TOR3A: variants seen among roughly 807,000 people sequenced by gnomAD.
TOR3A encodes the protein torsin-3A.
A neutral mutation model predicts 42.1 loss-of-function variants in TOR3A; 44 were observed. The ratio of observed to expected loss-of-function variants is 1.04; its 90% CI spans 0.82 to 1.34. The LOEUF is 1.34. Among genes scored for constraint, TOR3A ranks in the 40% most tolerant of loss-of-function variants. The pLI is 0.00. For missense variants in TOR3A, 521 were observed against 507.6 expected, an observed-to-expected ratio of 1.03 and a Z score of -0.25; for synonymous variants, 227 against 213.2, an observed-to-expected ratio of 1.06 and a Z score of -0.57.
At chr1:179,094,883 A>T in intron 5 of TOR3A, 85 bp from the exon 6 acceptor site, 1 of 1,370,116 alleles carries the variant, frequency 7.3e-7, no homozygotes, top group Non-Finnish European at 1.0e-6. Context: ...GTTTCAAAGA[A>T]ACCAACAGCA....
chr1:179,094,905 C>A, intron 5 of TOR3A, 63 bp from the exon 6 acceptor site: 1 of 1,542,050 alleles, frequency 6.5e-7, no homozygotes. Flanking sequence ...CCCCCACCCC[C>A]GCTAAATTCC....
chr1:179,095,989 TC>T lies in TOR3A; in HGVS notation c.*773del. On this transcript the variant is annotated 3_prime_UTR_variant, in exon 6 of 6. Coordinates refer to ENST00000367627, the MANE Select transcript of TOR3A (RefSeq NM_022371.4). ...ATGATAAGATTAAAATTTTTGATTT[TC>T]CTAAAATCCTTGGCGTACTTTCTGT... 1 of 985,256 alleles carries T rather than the reference TC, an allele frequency of 1.0e-6. No individual in the cohort carries two copies. The highest frequency in any genetic ancestry group is 1.2e-6 in the Non-Finnish European group (1 of 829,862). 61.0% of individuals were successfully genotyped at this position (985,256 alleles called of 1,614,324 possible).
At chr1:179,088,138 C>A in intron 4 of TOR3A, 49 bp downstream of exon 4, 1 of 1,498,368 alleles carries the variant, frequency 6.7e-7, no homozygotes. Context: ...GGGGAAGATA[C>A]TAGCTGGCAG....
At position 179,095,335 on chromosome 1, in the gene TOR3A, G is replaced by T; in HGVS notation, c.*117G>T. The stretch of plus-strand genomic sequence containing the variant: ...TGAGGGTGTGGACTGGCATCCAGCA[G>T]CCACTAACAAACACACAACTGGTGT... On this transcript the variant is annotated 3_prime_UTR_variant, in exon 6 of 6. Coordinates refer to ENST00000367627, the MANE Select transcript of TOR3A (RefSeq NM_022371.4). 1 of 1,532,508 alleles carries T rather than the reference G, an allele frequency of 6.5e-7. No homozygotes were observed. 94.9% of individuals were successfully genotyped at this position (1,532,508 alleles called of 1,614,324 possible). A position where few individuals can be genotyped will look rare whatever the true frequency, so the allele number is the denominator to read the frequency against.
In TOR3A at chr1:179,087,937, G is replaced by A. The variant is rs1409889317; in HGVS notation, c.666G>A (p.Glu222=). 1 of 1,601,148 alleles carries A rather than the reference G, an allele frequency of 6.2e-7. No individual in the cohort carries two copies. The highest frequency in any genetic ancestry group is 8.5e-7 in the Non-Finnish European group (1 of 1,173,964). ...YKEQLMSQIR[E]TQQLCHQTLF... Reference sequence around the variant, plus strand: ...AGCAGCTGATGAGCCAGATCCGGGAGACGCAGCAGCTCTGCCACCAGACCC... The same window carrying A: ...AGCAGCTGATGAGCCAGATCCGGGAAACGCAGCAGCTCTGCCACCAGACCC... Residue 222 remains glutamate (E), a synonymous_variant, in exon 4 of 6, where the codon GAG becomes GAA. Transcript: ENST00000367627.
chr1:179,093,428 A>C (rs1652647797), intron 4 of TOR3A, among the ~76,000 whole-genome samples: 1 of 152,166 alleles, frequency 6.6e-6, no homozygotes, highest in Non-Finnish European at 1.5e-5. Context: ...AAGCAGCTTG[A>C]GGCTAACGCT....
intron 2 of TOR3A, 154 bp from the exon 3 acceptor site, chr1:179,085,474 C>T: frequency 1.2e-6 from 1 of 826,946 alleles, no homozygotes; most frequent in East Asian, 2.5e-5. Flanking sequence ...GCTACAAAGT[C>T]TGCCCTCTGG....
chr1:179,086,665 CAAAAAAA>C (rs149541470), intron 3 of TOR3A, among the ~76,000 whole-genome samples: 3 of 123,790 alleles, frequency 2.4e-5, no homozygotes, highest in Admixed American at 8.6e-5. Context: ...GACTCCATCT[CAAAAAAA>C]AAAAAAAAAA....
At position 179,095,703 on chromosome 1, in the gene TOR3A, C is replaced by G; in HGVS notation, c.*485C>G. ...TTACAGAGCCGGGGAGAACGAAGTT[C>G]TGTGACCCAGGGGTGGAGAATACAC... On this transcript the variant is annotated 3_prime_UTR_variant, in exon 6 of 6. Transcript: ENST00000367627. 1.0e-6 allele frequency: 1 copy of G among 995,594 alleles called. No individual in the cohort carries two copies. Among genetic ancestry groups the G allele is most frequent in the Non-Finnish European group, 1.2e-6 (1 of 835,962 alleles). 61.7% of individuals were successfully genotyped at this position (995,594 alleles called of 1,614,324 possible).
At position 179,088,108 on chromosome 1, in the gene TOR3A, T is replaced by C. The variant is rs756215718; in HGVS notation, c.818+19T>C. On this transcript the variant is annotated intron_variant, in intron 4 of 5. Coordinates refer to ENST00000367627, the MANE Select transcript of TOR3A (RefSeq NM_022371.4). ...TTCTCAGGTGGGTTCTGGGGAACAATAGTCAGGAGGGCTGGGGGAGGGGAA... is the reference window on the plus strand; with the variant it reads ...TTCTCAGGTGGGTTCTGGGGAACAACAGTCAGGAGGGCTGGGGGAGGGGAA... The C allele has an allele frequency of 1.2e-5, 19 of 1,543,120 alleles. 1 individual carries two copies. Among genetic ancestry groups the C allele is most frequent in the South Asian group, 9.8e-5 (8 of 81,948 alleles).
chr1:179,095,246 C>T lies in TOR3A; in HGVS notation c.*28C>T. ...GCTAGAGGAAGACTTCCTGGAACTG[C>T]CTTTCTTCCACTAACAGGACCCTGG... is the stretch of plus-strand genomic sequence containing the variant. On this transcript the variant is annotated 3_prime_UTR_variant, in exon 6 of 6. Transcript: ENST00000367627. 6.2e-7 allele frequency: 1 copy of T among 1,611,988 alleles called. No individual in the cohort carries two copies. Among genetic ancestry groups the T allele is most frequent in the Non-Finnish European group, 8.5e-7 (1 of 1,179,174 alleles).
intron 4 of TOR3A, among the ~76,000 whole-genome samples, chr1:179,089,413 A>G (rs903090312): frequency 5.3e-5 from 8 of 151,740 alleles, no homozygotes; most frequent in African/African-American, 1.9e-4. Flanking sequence ...CTGCAGGTGA[A>G]GCTGTGGAGA....
At chr1:179,086,296 C>T (rs1015046171) in intron 3 of TOR3A, among the ~76,000 whole-genome samples, 2 of 152,214 alleles carry the variant, frequency 1.3e-5, no homozygotes, top group African/African-American at 2.4e-5. Context: ...GCCTTTGGTG[C>T]GGAACCTTTC....
intron 3 of TOR3A, 108 bp from the exon 4 acceptor site, chr1:179,087,796 GGTGGGGA>G: frequency 1.1e-6 from 1 of 935,458 alleles, no homozygotes; most frequent in Non-Finnish European, 1.5e-6. Flanking sequence ...GGGGGCGGGG[GGTGGGGA>G]ACCCAGCCCC....
chr1:179,087,366 C>A (rs1184053595), intron 3 of TOR3A, among the ~76,000 whole-genome samples: 1 of 152,098 alleles, frequency 6.6e-6, no homozygotes, highest in African/African-American at 2.4e-5. Context: ...GCTCTGCACC[C>A]GGGAGTTCAG....
chr1:179,092,524 A>G (rs1329439788), intron 4 of TOR3A, among the ~76,000 whole-genome samples: 1 of 152,138 alleles, frequency 6.6e-6, no homozygotes, highest in Non-Finnish European at 1.5e-5. Flanking sequence ...TAGGAGTTTG[A>G]GACCAGCCTA....
At position 179,082,996 on chromosome 1, in the gene TOR3A, T is replaced by G; in HGVS notation, c.316T>G (p.Cys106Gly). 1.9e-6 allele frequency: 3 copies of G among 1,590,100 alleles called. No homozygotes were observed. Among genetic ancestry groups the G allele is most frequent in the Non-Finnish European group, 2.6e-6 (3 of 1,169,082 alleles). Residue 106 changes from cysteine to glycine, a missense_variant, in exon 2 of 6, where the codon TGC becomes GGC. Physicochemically the swap from Cys to Gly is radical, Grantham distance 159. Coordinates refer to ENST00000367627, the MANE Select transcript of TOR3A (RefSeq NM_022371.4). ...CCTGGACCTCCTGACCACGTGGTAC[T>G]GCAGCTTCAAAGACTGCTGCCCTAG... ...RYLDLLTTWY[C>G]SFKDCCPRGD...
Position 179,095,621 on chromosome 1 carries a change from G to A in TOR3A, c.*403G>A, listed in dbSNP as rs187624586. 1.9e-6 allele frequency: 2 copies of A among 1,045,546 alleles called. No homozygotes were observed. The highest frequency in any genetic ancestry group is 3.4e-5 in the African/African-American group (2 of 58,858). The allele number at this position is 1,045,546 out of a possible 1,614,324, so 64.8% of individuals were successfully genotyped here. On this transcript the variant is annotated 3_prime_UTR_variant, in exon 6 of 6. Coordinates refer to ENST00000367627, the MANE Select transcript of TOR3A (RefSeq NM_022371.4). ...TCCAGATGGTCTCCTTAGCATCTCA[G>A]CTCTTCTGCAAGGAAGAGCTTGGGT... is the stretch of plus-strand genomic sequence containing the variant.
rs1652719315 is a variant in TOR3A at position 179,095,575 on chromosome 1, C to G, written c.*357C>G. On this transcript the variant is annotated 3_prime_UTR_variant, in exon 6 of 6. Coordinates refer to ENST00000367627, the MANE Select transcript of TOR3A (RefSeq NM_022371.4). The stretch of plus-strand genomic sequence containing the variant: ...AAAGCCATGTGGGAGCTCAGCAAAT[C>G]CCAAGGGCTTATTATGACACTCCAG... 3.5e-6 allele frequency: 4 copies of G among 1,136,126 alleles called. No homozygotes were observed. In the Admixed American group the frequency reaches 1.8e-4, roughly 52 times the overall value. The allele number at this position is 1,136,126 out of a possible 1,614,324, so 70.4% of individuals were successfully genotyped here.
Sources: gnomAD v4.1 joint callset for allele counts (sites outside exome capture counted in the v4.1 genomes callset) on GRCh38, gnomAD v4.1.1 for gene constraint, MANE v1.5 for transcripts, NCBI Gene and HGNC (gene_info 2026-07-23, HGNC 2026-07-21) for gene names.